The following COG2 variants were observed in gnomAD, a reference collection of about 807,000 sequenced individuals.
COG2 encodes conserved oligomeric Golgi complex subunit 2.
A neutral mutation model predicts 90.6 loss-of-function variants in COG2; 52 were observed. The ratio of observed to expected loss-of-function variants is 0.57; its 90% CI spans 0.46 to 0.72. The LOEUF (loss-of-function observed/expected upper bound fraction) is 0.72, where lower values mean the gene tolerates loss of function less well. Among genes scored for constraint, COG2 ranks in the 30% least tolerant of loss-of-function variants. The probability of loss-of-function intolerance (pLI) is 0.00; values close to 1 mark genes in which losing one functional copy is unlikely to be tolerated. For synonymous variants in COG2, 337 were observed against 320.4 expected, an observed-to-expected ratio of 1.05 and a Z score of -0.55; for missense variants, 829 against 891.2, an observed-to-expected ratio of 0.93 and a Z score of 0.89.
In COG2 at chr1:230,693,824, A is replaced by G. The variant is rs1316019253; in HGVS notation, c.*431A>G. The stretch of plus-strand genomic sequence containing the variant: ...TATAGAAATGCCCTTCTCTGAAATA[A>G]AGAGAACTCCTGGGCTTTCTAAAGA... On this transcript the variant is annotated 3_prime_UTR_variant, in exon 18 of 18. Coordinates refer to ENST00000366669, the MANE Select transcript of COG2 (RefSeq NM_007357.3). 1 of 152,650 alleles carries G rather than the reference A, an allele frequency of 6.6e-6. No homozygotes were observed. Among genetic ancestry groups the G allele is most frequent in the Non-Finnish European group, 1.5e-5 (1 of 68,184 alleles). 9.5% of individuals were successfully genotyped at this position (152,650 alleles called of 1,614,324 possible). A position where few individuals can be genotyped will look rare whatever the true frequency, so the allele number is the denominator to read the frequency against.
At chr1:230,682,537 CAG>C (rs1381317150) in intron 10 of COG2, 3 of 152,232 alleles carry the variant, frequency 2.0e-5, no homozygotes, top group African/African-American at 7.2e-5. Context: ...GGAAACCAGC[CAG>C]CTACAATGGT....
Position 230,675,028 on chromosome 1 carries a change from C to CT in COG2, c.935dup (p.Leu312PhefsTer22). Reference sequence around the variant, plus strand: ...AAGGCAATACTGTTCCTGGATATGACTTTTTGGTGAATTCTGTTTGGCCAC... The same window carrying CT: ...AAGGCAATACTGTTCCTGGATATGACTTTTTTGGTGAATTCTGTTTGGCCAC... On this transcript the variant is annotated frameshift_variant, in exon 9 of 18. Coordinates refer to ENST00000366669, the MANE Select transcript of COG2 (RefSeq NM_007357.3). LOFTEE classifies it high-confidence loss of function. 6.2e-7 allele frequency: 1 copy of CT among 1,611,894 alleles called. No individual in the cohort carries two copies. Among genetic ancestry groups the CT allele is most frequent in the Non-Finnish European group, 8.5e-7 (1 of 1,178,958 alleles).
chr1:230,645,918 A>T (rs867692475), intron 1 of COG2, among the ~76,000 whole-genome samples: 52 of 152,084 alleles, frequency 3.4e-4, no homozygotes, highest in African/African-American at 1.2e-3. Flanking sequence ...TCCAATACAG[A>T]GTGGCTGTGA....
intron 1 of COG2, among the ~76,000 whole-genome samples, chr1:230,645,249 A>G (rs1025827789): frequency 4.1e-4 from 62 of 151,838 alleles, no homozygotes; most frequent in African/African-American, 1.3e-3. Flanking sequence ...AAAAAAAAAA[A>G]AAAAAAAGAA....
At chr1:230,679,182 G>T in intron 10 of COG2, 130 bp downstream of exon 10, 1 of 815,218 alleles carries the variant, frequency 1.2e-6, no homozygotes, top group African/African-American at 1.7e-5. Flanking sequence ...AGACAAAATT[G>T]AAAGTGGAGA....
chr1:230,676,258 A>G (rs1199744893), intron 9 of COG2, among the ~76,000 whole-genome samples: 5 of 151,650 alleles, frequency 3.3e-5, no homozygotes, highest in African/African-American at 9.7e-5. Context: ...CCTTCCTCCC[A>G]TCTTTTCTTC....
chr1:230,692,430 CA>C (rs1438933430), intron 17 of COG2, among the ~76,000 whole-genome samples: 1 of 151,748 alleles, frequency 6.6e-6, no homozygotes. Flanking sequence ...TCATGATCAT[CA>C]CTGAAAATTC....
chr1:230,671,461 T>A, intron 7 of COG2, 55 bp from the exon 8 acceptor site: 1 of 1,496,716 alleles, frequency 6.7e-7, no homozygotes. Flanking sequence ...CTGAAATAGA[T>A]CGTTTGTACT....
chr1:230,686,389 G>A (rs1662884783), intron 12 of COG2, among the ~76,000 whole-genome samples: 3 of 152,154 alleles, frequency 2.0e-5, no homozygotes, highest in South Asian at 2.1e-4. Context: ...GGAATTCTCC[G>A]TTTATCTCTA....
At chr1:230,677,095 C>G (rs186110930) in intron 9 of COG2, among the ~76,000 whole-genome samples, 23 of 152,176 alleles carry the variant, frequency 1.5e-4, no homozygotes, top group Admixed American at 2.6e-4. Context: ...GCTTTTCTTT[C>G]ATTCCTCTAT....
chr1:230,678,467 T>C (rs1274489510), intron 9 of COG2: 3 of 985,220 alleles, frequency 3.0e-6, no homozygotes, highest in Non-Finnish European at 3.6e-6. Context: ...CATGCTATCT[T>C]ATTTATAAAA....
In COG2 at chr1:230,660,780, A is replaced by C; in HGVS notation, c.257A>C (p.Asn86Thr). Residue 86 changes from asparagine (N) to threonine (T), a missense_variant, in exon 3 of 18, where the codon AAC becomes ACC. Transcript: ENST00000366669. The stretch of plus-strand genomic sequence containing the variant: ...TAGGTTGGCATGGACAAAGCCCTCA[A>C]CCAGCTTTCTGTGCCTTTGGGACAA... The part of the protein sequence containing the change: ...TNLVGMDKAL[N>T]QLSVPLGQLR... 1 of 1,587,974 alleles carries C rather than the reference A, an allele frequency of 6.3e-7. No homozygotes were observed.
intron 12 of COG2, 116 bp downstream of exon 12, chr1:230,685,352 A>C (rs1662862469): frequency 9.7e-7 from 1 of 1,026,596 alleles, no homozygotes; most frequent in South Asian, 1.6e-5. Context: ...AGAGGACCAC[A>C]GTAGTCTGAC....
rs552993769 is a variant in COG2, at chr1:230,687,623, G to A, written c.1579-448G>A. 3.2e-4 allele frequency among the ~76,000 whole-genome samples: 48 copies of A among 152,174 alleles called. 1 individual carries two copies. The highest frequency in any genetic ancestry group is 2.0e-3 in the Admixed American group (30 of 15,288). On this transcript the variant is annotated intron_variant, in intron 13 of 17. Transcript: ENST00000366669. ...TCCTCTTTTTTCTCTGTATAGATCC[G>A]TATGTTTTTGCTTGTAACATCAACT...
intron 9 of COG2, chr1:230,678,627 C>T: frequency 7.4e-7 from 1 of 1,354,186 alleles, no homozygotes; most frequent in Non-Finnish European, 9.7e-7. Flanking sequence ...GGTAGGGGGC[C>T]CTAGAACATG....
At chr1:230,674,758 C>A (rs1317338421) in intron 8 of COG2, among the ~76,000 whole-genome samples, 1 of 152,110 alleles carries the variant, frequency 6.6e-6, no homozygotes, top group East Asian at 1.9e-4. Context: ...CTTCCCTTAG[C>A]CTTGACACCA....
chr1:230,677,529 T>C (rs987601193), intron 9 of COG2, among the ~76,000 whole-genome samples: 14 of 152,232 alleles, frequency 9.2e-5, no homozygotes, highest in African/African-American at 3.1e-4. Context: ...ATAGCAACAT[T>C]TGTAATTTTA....
chr1:230,661,794 A>G (rs1050964570), intron 3 of COG2, among the ~76,000 whole-genome samples: 6 of 152,294 alleles, frequency 3.9e-5, no homozygotes, highest in African/African-American at 1.4e-4. Context: ...GAACTAGCAA[A>G]TATTTTCAAA....
chr1:230,667,222 G>T (rs1265138560), intron 5 of COG2, among the ~76,000 whole-genome samples: 1 of 152,096 alleles, frequency 6.6e-6, no homozygotes, highest in Non-Finnish European at 1.5e-5. Flanking sequence ...CCACTAGTGG[G>T]GAACGGGCTT....
Sources: allele counts gnomAD v4.1 joint callset (sites outside exome capture counted in the v4.1 genomes callset), GRCh38; gene constraint gnomAD v4.1.1; transcripts MANE v1.5; gene names NCBI Gene and HGNC (gene_info 2026-07-23, HGNC 2026-07-21).